The following RABGAP1 variants were observed in gnomAD, a reference collection of about 807,000 sequenced individuals.
The protein encoded by RABGAP1 is rab GTPase-activating protein 1.
In RABGAP1, 23 loss-of-function variants were observed where a neutral mutation model predicts 137.6. That is an observed-to-expected ratio of 0.17 (90% confidence interval 0.12 to 0.24). RABGAP1 has a LOEUF of 0.24. Among genes scored for constraint, RABGAP1 ranks in the 10% least tolerant of loss-of-function variants. The pLI, the probability that RABGAP1 is intolerant of heterozygous loss-of-function variation, is 1.00. For synonymous variants in RABGAP1, 451 were observed against 450.7 expected, an observed-to-expected ratio of 1.00 and a Z score of -0.01; for missense variants, 906 against 1,275.8, an observed-to-expected ratio of 0.71 and a Z score of 4.42.
intron 20 of RABGAP1, 59 bp downstream of exon 20, chr9:123,089,909 C>T (rs16912556): frequency 0.02 from 29,053 of 1,421,612 alleles, 509 homozygotes; most frequent in South Asian, 0.064. Context: ...CATATGATTG[C>T]GCCTGTAACT....
At chr9:122,949,323 G>A (rs183217973) in intron 1 of RABGAP1, among the ~76,000 whole-genome samples, 2 of 152,200 alleles carry the variant, frequency 1.3e-5, no homozygotes, top group East Asian at 3.9e-4. Context: ...GACCAGCCTG[G>A]CCAACATGGC....
chr9:122,946,550 C>G (rs1169065720), intron 1 of RABGAP1, among the ~76,000 whole-genome samples: 1 of 152,152 alleles, frequency 6.6e-6, no homozygotes, highest in Non-Finnish European at 1.5e-5. Flanking sequence ...TCTGTACTAG[C>G]AAGTCAGGAA....
intron 2 of RABGAP1, among the ~76,000 whole-genome samples, chr9:122,972,575 A>T (rs1057016881): frequency 6.6e-6 from 1 of 152,206 alleles, no homozygotes; most frequent in African/African-American, 2.4e-5. Flanking sequence ...AAAGCAAGTC[A>T]CAAGTCCAGT....
intron 19 of RABGAP1, among the ~76,000 whole-genome samples, chr9:123,087,981 C>T (rs2034920454): frequency 1.3e-5 from 2 of 151,938 alleles, no homozygotes; most frequent in Non-Finnish European, 1.5e-5. Context: ...CAGATTTCCA[C>T]GTCAGCACTT....
intron 21 of RABGAP1, among the ~76,000 whole-genome samples, chr9:123,095,257 C>G (rs958110160): frequency 7.3e-6 from 1 of 137,026 alleles, no homozygotes; most frequent in African/African-American, 2.6e-5. Context: ...AAAAAGCCAG[C>G]TTTTGCTTTT....
At chr9:123,090,508 C>A (rs1049309492) in intron 21 of RABGAP1, 123 bp downstream of exon 21, 1 of 729,846 alleles carries the variant, frequency 1.4e-6, no homozygotes, top group African/African-American at 1.8e-5. Flanking sequence ...GCTTGTGATA[C>A]AACTTGCTTG....
At chr9:122,997,496 C>G (rs184061466) in intron 9 of RABGAP1, 135 bp downstream of exon 9, 169 of 518,468 alleles carry the variant, frequency 3.3e-4, no homozygotes, top group African/African-American at 3.1e-3. Context: ...TAGTTCTTCA[C>G]TTTATTATTA....
intron 19 of RABGAP1, among the ~76,000 whole-genome samples, chr9:123,078,210 C>A (rs1232721891): frequency 2.0e-5 from 3 of 148,870 alleles, no homozygotes; most frequent in Admixed American, 6.7e-5. Context: ...GCCTGAGAAA[C>A]AGTAGAAATC....
Position 123,015,585 on chromosome 9 carries a change from A to G in RABGAP1, c.1592A>G (p.Lys531Arg). The G allele has an allele frequency of 6.2e-7, 1 of 1,612,982 alleles. No individual in the cohort carries two copies. Among genetic ancestry groups the G allele is most frequent in the African/African-American group, 1.3e-5 (1 of 74,998 alleles). Residue 531 changes from lysine (K) to arginine (R), a missense_variant, in exon 12 of 26, where the codon AAA becomes AGA. Physicochemically the swap from Lys to Arg is conservative, Grantham distance 26 (BLOSUM62 2). Around this residue, in one of 9 missense-constraint regions of RABGAP1, gnomAD observed 212 missense variants for 289.4 expected, o/e 0.73. Transcript: ENST00000373647. ...CTGAGTGGATCTGGTGATGTATCCAAAGAATGTGCAGAAAAAATTCTTGAA... is the reference window on the plus strand; with the variant it reads ...CTGAGTGGATCTGGTGATGTATCCAGAGAATGTGCAGAAAAAATTCTTGAA... Reference protein sequence around the residue: ...PLLSGSGDVSKECAEKILETW... With the variant: ...PLLSGSGDVSRECAEKILETW...
chr9:123,096,062 T>C (rs1453206237), intron 21 of RABGAP1, among the ~76,000 whole-genome samples: 1 of 152,242 alleles, frequency 6.6e-6, no homozygotes, highest in Non-Finnish European at 1.5e-5. Context: ...CTGTGTCAAT[T>C]AGGCCAAATT....
At chr9:122,943,372 C>T (rs574600681) in intron 1 of RABGAP1, among the ~76,000 whole-genome samples, 1 of 152,182 alleles carries the variant, frequency 6.6e-6, no homozygotes, top group South Asian at 2.1e-4. Context: ...CCCGGCCACA[C>T]TTTCTTTTAA....
chr9:122,939,831 G>A (rs1833463604), upstream of RABGAP1: 1 of 152,168 alleles, frequency 6.6e-6, no homozygotes. Context: ...AAATCACAGA[G>A]GGATTGCAAC....
intron 21 of RABGAP1, among the ~76,000 whole-genome samples, chr9:123,092,018 T>C (rs1329712325): frequency 6.6e-6 from 1 of 151,846 alleles, no homozygotes; most frequent in East Asian, 1.9e-4. Context: ...ATAACAGCCA[T>C]GGGTCATGCA....
chr9:123,051,774 A>C (rs956425203), intron 13 of RABGAP1, among the ~76,000 whole-genome samples: 1 of 149,432 alleles, frequency 6.7e-6, no homozygotes, highest in Non-Finnish European at 1.5e-5. Flanking sequence ...ATTTTATTTT[A>C]TTTTATTTTA....
intron 24 of RABGAP1, among the ~76,000 whole-genome samples, chr9:123,100,208 G>A (rs1214476788): frequency 6.6e-6 from 1 of 152,070 alleles, no homozygotes; most frequent in African/African-American, 2.4e-5. Flanking sequence ...CTGTATTACA[G>A]AACTTGTCAG....
intron 2 of RABGAP1, among the ~76,000 whole-genome samples, chr9:122,957,881 AT>A (rs1834616614): frequency 7.1e-6 from 1 of 141,268 alleles, no homozygotes; most frequent in Non-Finnish European, 1.5e-5. Context: ...TAGAGCTTTA[AT>A]TCTTTTTTTT....
chr9:122,973,988 C>T (rs1031106437), intron 2 of RABGAP1, among the ~76,000 whole-genome samples: 5 of 149,410 alleles, frequency 3.3e-5, no homozygotes, highest in Non-Finnish European at 4.4e-5. Flanking sequence ...GCCTGGGCGA[C>T]GAGCGAAACT....
At chr9:123,034,998 G>T in intron 13 of RABGAP1, 4 of 1,613,838 alleles carry the variant, frequency 2.5e-6, no homozygotes, top group Non-Finnish European at 2.5e-6. Flanking sequence ...TTACACCCTG[G>T]AGACTACGCC....
chr9:123,024,839 A>T (rs1403943533), intron 13 of RABGAP1, among the ~76,000 whole-genome samples: 2 of 152,180 alleles, frequency 1.3e-5, no homozygotes, highest in Admixed American at 1.3e-4. Flanking sequence ...TCTTTTTAAG[A>T]TAACAGTTTC....
Sources: allele counts gnomAD v4.1 joint callset (sites outside exome capture counted in the v4.1 genomes callset), GRCh38; gene constraint gnomAD v4.1.1; regional missense constraint gnomAD v4.1.1; transcripts MANE v1.5; gene names NCBI Gene and HGNC (gene_info 2026-07-23, HGNC 2026-07-21).